ITSN2: variants seen among roughly 807,000 people sequenced by gnomAD.
ITSN2 encodes the protein intersectin 2.
In ITSN2, 156 loss-of-function variants were observed where a neutral mutation model predicts 243.7. The ratio of observed to expected loss-of-function variants is 0.64; its 90% CI spans 0.56 to 0.73. ITSN2 has a LOEUF of 0.73. Among genes scored for constraint, ITSN2 ranks in the 30% least tolerant of loss-of-function variants. The pLI is 0.00. For synonymous variants in ITSN2, 703 were observed against 699.9 expected, an observed-to-expected ratio of 1.00 and a Z score of -0.07; for missense variants, 1,801 against 1,996.1, an observed-to-expected ratio of 0.90 and a Z score of 1.86.
intron 1 of ITSN2, among the ~76,000 whole-genome samples, chr2:24,356,595 T>C (rs1363264356): frequency 6.6e-6 from 1 of 152,032 alleles, no homozygotes; most frequent in Non-Finnish European, 1.5e-5. Context: ...TCAACATCAC[T>C]GATCATCAGA....
Position 24,293,710 on chromosome 2 carries a change from GT to G in ITSN2, c.1700del (p.Asn567ThrfsTer20). The G allele has an allele frequency of 1.6e-6, 2 of 1,228,724 alleles. No individual in the cohort carries two copies. The highest frequency in any genetic ancestry group is 2.3e-6 in the Non-Finnish European group (2 of 869,172). The allele number at this position is 1,228,724 out of a possible 1,614,324, so 76.1% of individuals were successfully genotyped here. On this transcript the variant is annotated frameshift_variant, in exon 15 of 40. Transcript: ENST00000355123. LOFTEE classifies it high-confidence loss of function. ...EKQLLNERIK[N>X]MQFSNTPDSG... ...TACCAGGTGTGTTACTGAACTGCAT[GT>G]TTTTAATTCTTTCATTTAATAATTG...
intron 12 of ITSN2, among the ~76,000 whole-genome samples, chr2:24,299,588 C>T (rs1411488793): frequency 6.6e-6 from 1 of 152,126 alleles, no homozygotes; most frequent in Non-Finnish European, 1.5e-5. Context: ...AACTTGCTTT[C>T]GTCTAATGAC....
chr2:24,228,372 TA>T (rs887678381), intron 29 of ITSN2, among the ~76,000 whole-genome samples: 1 of 151,988 alleles, frequency 6.6e-6, no homozygotes, highest in African/African-American at 2.4e-5. Context: ...GGAAATTACA[TA>T]AGAAGGAAAA....
At chr2:24,261,893 A>T (rs1675933744) in intron 20 of ITSN2, 151 bp from the exon 21 acceptor site, 4 of 548,138 alleles carry the variant, frequency 7.3e-6, no homozygotes, top group Non-Finnish European at 1.3e-5. Flanking sequence ...AACAGCTACT[A>T]TTTCCAGTGA....
At position 24,203,657 on chromosome 2, in the gene ITSN2, A is replaced by G; in HGVS notation, c.5063T>C (p.Leu1688Pro). Reference sequence around the variant, plus strand: ...GAGAGTTTTTTGCTCAAAAAGCTGCAGGTCAAAACGGACCCAGACCTCCCC... The same window carrying G: ...GAGAGTTTTTTGCTCAAAAAGCTGCGGGTCAAAACGGACCCAGACCTCCCC... ...PTGEVWVRFD[L>P]QLFEQKTLL The change falls in exon 40 of 40, where the codon CTG (leucine) becomes CCG (proline). Residue 1688 changes from leucine to proline, a missense_variant. Leu to Pro is a moderately conservative substitution (Grantham distance 98, BLOSUM62 -3). This residue lies in a region of ITSN2 where 928 missense variants were observed against 1,065.4 expected (regional missense o/e 0.87). Coordinates refer to ENST00000355123, the MANE Select transcript of ITSN2 (RefSeq NM_006277.3). The G allele has an allele frequency of 3.7e-6, 6 of 1,614,112 alleles. No individual in the cohort carries two copies. The Admixed American group carries it at 8.3e-5, about 22-fold the overall frequency.
At position 24,205,250 on chromosome 2, in the gene ITSN2, T is replaced by A; in HGVS notation, c.4726A>T (p.Ile1576Phe). Residue 1576 changes from isoleucine (I) to phenylalanine (F), a missense_variant, in exon 38 of 40, where the codon ATT (isoleucine) becomes TTT (phenylalanine). By Grantham distance (21) the Ile-to-Phe change is conservative. Coordinates refer to ENST00000355123, the MANE Select transcript of ITSN2 (RefSeq NM_006277.3). ...SGIGRLMVHV[I>F]EATELKACKP... is the part of the protein sequence containing the mutation. The stretch of plus-strand genomic sequence containing the variant: ...CAGGCTTTTAATTCTGTAGCTTCAA[T>A]GACATGCACCATCAGGCGCCCAATG... 6.2e-7 allele frequency: 1 copy of A among 1,614,070 alleles called. No homozygotes were observed.
rs1362318556 is a variant in ITSN2, at chr2:24,204,457, AG to A, written c.4763-40del. The A allele has an allele frequency of 6.3e-6, 10 of 1,594,056 alleles. No individual in the cohort carries two copies. Among genetic ancestry groups the A allele is most frequent in the Non-Finnish European group, 8.6e-6 (10 of 1,161,896 alleles). Reference sequence around the variant, plus strand: ...AACCACAGACACATGTGGTGCATGCAGGTAAAACGAAGCGACTGACAGTGCC... The same window carrying A: ...AACCACAGACACATGTGGTGCATGCAGTAAAACGAAGCGACTGACAGTGCC... On this transcript the variant is annotated intron_variant, in intron 38 of 39. Transcript: ENST00000355123. The surrounding 1 kb of genome is among the most constrained non-coding windows in gnomAD (Gnocchi z 5.1).
chr2:24,264,112 C>T (rs930148307), intron 20 of ITSN2, among the ~76,000 whole-genome samples: 2 of 152,086 alleles, frequency 1.3e-5, no homozygotes, highest in African/African-American at 2.4e-5. Context: ...AAACACTAGG[C>T]TGGGCACGGT....
At position 24,204,405 on chromosome 2, in the gene ITSN2, T is replaced by TG. The variant is rs767125941; in HGVS notation, c.4775dup (p.Tyr1593IlefsTer3). On this transcript the variant is annotated frameshift_variant, in exon 39 of 40. Transcript: ENST00000355123. LOFTEE classifies it high-confidence loss of function. This position sits in a 1 kb window ranked among gnomAD's most constrained non-coding sequence, Gnocchi z 5.1. ...GGGAGCCCATGCTGATTTCACAGTA[T>TG]GGGTTGCTCTTTCCTGAACAAAAAC... 6.2e-7 allele frequency: 1 copy of TG among 1,614,126 alleles called. No homozygotes were observed. The highest frequency in any genetic ancestry group is 8.5e-7 in the Non-Finnish European group (1 of 1,180,002).
chr2:24,357,474 TG>T (rs1219091221), intron 1 of ITSN2, among the ~76,000 whole-genome samples: 2 of 151,662 alleles, frequency 1.3e-5, no homozygotes, highest in Non-Finnish European at 1.5e-5. Context: ...GGACCTGTTG[TG>T]GGGGGGCAAT....
chr2:24,312,799 T>TA (rs1028980194), intron 4 of ITSN2, among the ~76,000 whole-genome samples: 2 of 152,070 alleles, frequency 1.3e-5, no homozygotes, highest in African/African-American at 2.4e-5. Flanking sequence ...TAAACGTTTT[T>TA]AAAAAAACAG....
At chr2:24,324,149 G>A (rs1269325390) in intron 2 of ITSN2, among the ~76,000 whole-genome samples, 4 of 152,174 alleles carry the variant, frequency 2.6e-5, no homozygotes, top group South Asian at 2.1e-4. Flanking sequence ...GGAGAACGGC[G>A]TGAACCCAGT....
chr2:24,222,502 G>A (rs999021968), intron 29 of ITSN2, among the ~76,000 whole-genome samples: 22 of 151,732 alleles, frequency 1.4e-4, no homozygotes, highest in Admixed American at 6.6e-5. Flanking sequence ...GTCCAACCTC[G>A]GACAAGTGCC....
At chr2:24,235,347 G>A (rs887825505) in intron 29 of ITSN2, among the ~76,000 whole-genome samples, 2 of 152,150 alleles carry the variant, frequency 1.3e-5, no homozygotes, top group African/African-American at 4.8e-5. Context: ...GAGCTGAACA[G>A]GTAGAGCACA....
intron 29 of ITSN2, among the ~76,000 whole-genome samples, chr2:24,237,048 T>C (rs1270420812): frequency 6.6e-6 from 1 of 152,044 alleles, no homozygotes; most frequent in Non-Finnish European, 1.5e-5. Flanking sequence ...TATTAGGAGA[T>C]GGTGGCAATA....
At chr2:24,258,244 T>C in intron 22 of ITSN2, 151 bp from the exon 23 acceptor site, 1 of 618,708 alleles carries the variant, frequency 1.6e-6, no homozygotes, top group South Asian at 2.0e-5. Context: ...TGACTTTAAA[T>C]TATACATGAT....
At position 24,221,057 on chromosome 2, in the gene ITSN2, T is replaced by A; in HGVS notation, c.3587A>T (p.Asp1196Val). The change falls in exon 30 of 40, where the codon GAT (aspartate) becomes GTT (valine). Residue 1196 changes from aspartate (D) to valine (V), a missense_variant. Around this residue, in one of 5 missense-constraint regions of ITSN2, gnomAD observed 928 missense variants for 1,065.4 expected, o/e 0.87. Transcript: ENST00000355123. ...DSDPSQQWCA[D>V]LQTLDTMQPI... ...CTGCATTGTGTCCAGGGTTTGCAGA[T>A]CAGCACACCCTGTGGAAAAAACAGG... is the stretch of plus-strand genomic sequence containing the variant. 3 of 1,605,766 alleles carry A rather than the reference T, an allele frequency of 1.9e-6. No individual in the cohort carries two copies. The highest frequency in any genetic ancestry group is 2.5e-6 in the Non-Finnish European group (3 of 1,177,450).
At chr2:24,332,449 T>C (rs550089092) in intron 1 of ITSN2, among the ~76,000 whole-genome samples, 1 of 152,184 alleles carries the variant, frequency 6.6e-6, no homozygotes, top group African/African-American at 2.4e-5. Context: ...ATTAATAATA[T>C]TACTGGCAAT....
intron 23 of ITSN2, among the ~76,000 whole-genome samples, chr2:24,255,909 C>T (rs921218829): frequency 3.3e-5 from 5 of 152,056 alleles, no homozygotes; most frequent in African/African-American, 9.7e-5. Context: ...AAAATTTAGC[C>T]GGGCATGGTT....
Sources: allele counts gnomAD v4.1 joint callset (sites outside exome capture counted in the v4.1 genomes callset), GRCh38; gene constraint gnomAD v4.1.1; regional missense constraint gnomAD v4.1.1; non-coding constraint Gnocchi (gnomAD v3.1); transcripts MANE v1.5; gene names NCBI Gene and HGNC (gene_info 2026-07-23, HGNC 2026-07-21).